The following ADGRB2 variants were observed in gnomAD, a reference collection of about 807,000 sequenced individuals.
ADGRB2 encodes adhesion G protein-coupled receptor B2.
ADGRB2 carries 47 observed loss-of-function variants against 178.7 expected under a neutral mutation model. The ratio of observed to expected loss-of-function variants is 0.26; its 90% CI spans 0.21 to 0.34. The LOEUF (loss-of-function observed/expected upper bound fraction) is 0.34, where lower values mean the gene tolerates loss of function less well. Among genes scored for constraint, ADGRB2 ranks in the 10% least tolerant of loss-of-function variants. ADGRB2 has a pLI of 1.00. For missense variants in ADGRB2, 1,584 were observed against 2,180.8 expected (o/e 0.73, Z 5.45); for synonymous variants, 870 against 912.4 (o/e 0.95, Z 0.84).
Position 31,740,791 on chromosome 1 carries a change from G to A in ADGRB2, c.1795-250C>T, listed in dbSNP as rs181091361. On this transcript the variant is annotated intron_variant, in intron 11 of 32. Transcript: ENST00000373658. The surrounding 1 kb of genome is among the most constrained non-coding windows in gnomAD (Gnocchi z 5.9). Reference sequence around the variant, plus strand: ...ACCTAGAGAAAAAAGGTGTTCAGATGTACATATAAAAGATATAAGCACAGT... The same window carrying A: ...ACCTAGAGAAAAAAGGTGTTCAGATATACATATAAAAGATATAAGCACAGT... 1.3e-5 allele frequency among the ~76,000 whole-genome samples: 2 copies of A among 152,002 alleles called. No homozygotes were observed.
rs1053613441 is a variant in ADGRB2 at position 31,744,015 on chromosome 1, G to A, written c.1087+178C>T. Among the ~76,000 whole-genome samples, 2 of 152,180 alleles carry A rather than the reference G, an allele frequency of 1.3e-5. No homozygotes were observed. Among genetic ancestry groups the A allele is most frequent in the African/African-American group, 4.8e-5 (2 of 41,448 alleles). ...ATGGGCCCTGGTCTGATCCATCTGT[G>A]CCCCCAGTGCCCTGCACCGGGCTGG... On this transcript the variant is annotated intron_variant, in intron 6 of 32. Transcript: ENST00000373658. The surrounding 1 kb of genome is among the most constrained non-coding windows in gnomAD (Gnocchi z 6.7).
chr1:31,763,907 C>G lies in ADGRB2; in HGVS notation c.-214G>C. ...ACCTGGGCGCCGTCAGCAGCAGGAG[C>G]GGGGGCCGGCGCTGGCGGGGGCGGC... On this transcript the variant is annotated 5_prime_UTR_variant, in exon 1 of 33. Transcript: ENST00000373658. 1 of 985,518 alleles carries G rather than the reference C, an allele frequency of 1.0e-6. No individual in the cohort carries two copies. Among genetic ancestry groups the G allele is most frequent in the Non-Finnish European group, 1.2e-6 (1 of 830,068 alleles). 61.0% of individuals were successfully genotyped at this position (985,518 alleles called of 1,614,324 possible).
Position 31,755,272 on chromosome 1 carries a change from G to A in ADGRB2, c.838+727C>T, listed in dbSNP as rs1646774023. On this transcript the variant is annotated intron_variant, in intron 4 of 32. Coordinates refer to ENST00000373658, the MANE Select transcript of ADGRB2 (RefSeq NM_001364857.2). This position sits in a 1 kb window ranked among gnomAD's most constrained non-coding sequence, Gnocchi z 5.1. ...TCTGTAGAAGGCAGCCGTGGCTGAGGGAGCTGGGGTGGGAGCGGGAGCAGG... is the reference window on the plus strand; with the variant it reads ...TCTGTAGAAGGCAGCCGTGGCTGAGAGAGCTGGGGTGGGAGCGGGAGCAGG... Among the ~76,000 whole-genome samples the A allele has an allele frequency of 6.6e-6, 1 of 152,228 alleles. No individual in the cohort carries two copies. Among genetic ancestry groups the A allele is most frequent in the African/African-American group, 2.4e-5 (1 of 41,456 alleles).
In ADGRB2 at chr1:31,741,769, C is replaced by A; in HGVS notation, c.1585+31G>T. 2.5e-6 allele frequency: 4 copies of A among 1,596,202 alleles called. No individual in the cohort carries two copies. The highest frequency in any genetic ancestry group is 1.1e-5 in the South Asian group (1 of 89,152). The stretch of plus-strand genomic sequence containing the variant: ...GGTTCAGCTGGGTCCACACATGGGG[C>A]CCCCAGCCCCCAGGGTCATTAGGGC... On this transcript the variant is annotated intron_variant, in intron 9 of 32. Transcript: ENST00000373658. This position sits in a 1 kb window ranked among gnomAD's most constrained non-coding sequence, Gnocchi z 6.5.
chr1:31,757,533 G>A, intron 1 of ADGRB2, 22 bp from the exon 2 acceptor site: 1 of 387,582 alleles, frequency 2.6e-6, no homozygotes, highest in Non-Finnish European at 4.7e-6. Context: ...AAGGGGGAGA[G>A]GCACCGAGTA....
Position 31,759,436 on chromosome 1 carries a change from A to T in ADGRB2, c.-190-1925T>A. The T allele has an allele frequency of 3.9e-6, 3 of 773,730 alleles. No individual in the cohort carries two copies. Among genetic ancestry groups the T allele is most frequent in the Non-Finnish European group, 7.2e-6 (3 of 414,392 alleles). The allele number at this position is 773,730 out of a possible 1,614,324, so 47.9% of individuals were successfully genotyped here. ...GATCTCCCTCCCCTACCCTGCTCCT[A>T]GGCTGCTGCTCCCTACTCCACAGCC... On this transcript the variant is annotated intron_variant, in intron 1 of 32. Coordinates refer to ENST00000373658, the MANE Select transcript of ADGRB2 (RefSeq NM_001364857.2). The surrounding 1 kb of genome is among the most constrained non-coding windows in gnomAD (Gnocchi z 4.3).
Position 31,733,947 on chromosome 1 carries a change from CCA to C in ADGRB2, c.3453-806_3453-805del, listed in dbSNP as rs1401246153. On this transcript the variant is annotated intron_variant, in intron 25 of 32. Coordinates refer to ENST00000373658, the MANE Select transcript of ADGRB2 (RefSeq NM_001364857.2). The surrounding 1 kb of genome is among the most constrained non-coding windows in gnomAD (Gnocchi z 4.3). ...TCCCGGGCCAGGTGCCACACTCAGCCCACTCTCCTTCGCAAACACCCCCAGTG... is the reference window on the plus strand; with the variant it reads ...TCCCGGGCCAGGTGCCACACTCAGCCCTCTCCTTCGCAAACACCCCCAGTG... Among the ~76,000 whole-genome samples the C allele has an allele frequency of 6.6e-6, 1 of 152,228 alleles. No homozygotes were observed. The highest frequency in any genetic ancestry group is 1.9e-4 in the East Asian group (1 of 5,196).
rs60306848 is a variant in ADGRB2, at chr1:31,756,495, G to C, written c.342C>G (p.Pro114=). ...LVNFTCLRPS[P]EEAVAQAESE... ...ACTCCGCCTGGGCCACCGCCTCCTC[G>C]GGGCTAGGCCGCAGGCAGGTAAAGT... The change falls in exon 4 of 33, where the codon CCC becomes CCG. Residue 114 remains proline, a synonymous_variant. Transcript: ENST00000373658. This position sits in a 1 kb window ranked among gnomAD's most constrained non-coding sequence, Gnocchi z 8.5. The C allele has an allele frequency of 1.6e-5, 26 of 1,612,322 alleles. No individual in the cohort carries two copies. The Admixed American group carries it at 2.7e-4, about 17-fold the overall frequency.
chr1:31,740,602 C>G lies in ADGRB2; in HGVS notation c.1795-61G>C. 6.8e-7 allele frequency: 1 copy of G among 1,471,516 alleles called. No homozygotes were observed. Among genetic ancestry groups the G allele is most frequent in the South Asian group, 1.4e-5 (1 of 72,734 alleles). The allele number at this position is 1,471,516 out of a possible 1,614,324, so 91.2% of individuals were successfully genotyped here. The stretch of plus-strand genomic sequence containing the variant: ...TCAGGAGCTGGAACCAGACCCTGGC[C>G]CATCCCACTCCAGTCCACCCACTGC... On this transcript the variant is annotated intron_variant, in intron 11 of 32. Coordinates refer to ENST00000373658, the MANE Select transcript of ADGRB2 (RefSeq NM_001364857.2). The surrounding 1 kb of genome is among the most constrained non-coding windows in gnomAD (Gnocchi z 5.9).
intron 1 of ADGRB2, among the ~76,000 whole-genome samples, chr1:31,762,529 G>C (rs1346235592): frequency 1.3e-5 from 2 of 152,192 alleles, no homozygotes; most frequent in Non-Finnish European, 2.9e-5. Context: ...AGGCGTCCTG[G>C]AGCCCGCGGC....
rs1645918355 is a variant in ADGRB2 at position 31,740,898 on chromosome 1, C to CACACACACACACAT, written c.1795-358_1795-357insATGTGTGTGTGTGT. ...GAGCATGTGTGTGGGCGCGCGCGCA[C>CACACACACACACAT]ACACACACACACACACACACACACA... On this transcript the variant is annotated intron_variant, in intron 11 of 32. Coordinates refer to ENST00000373658, the MANE Select transcript of ADGRB2 (RefSeq NM_001364857.2). This position sits in a 1 kb window ranked among gnomAD's most constrained non-coding sequence, Gnocchi z 5.9. Among the ~76,000 whole-genome samples, 1 of 144,588 alleles carries CACACACACACACAT rather than the reference C, an allele frequency of 6.9e-6. No homozygotes were observed. The highest frequency in any genetic ancestry group is 1.5e-5 in the Non-Finnish European group (1 of 67,266). The allele number at this position is 144,588 out of a possible 152,430, so 94.9% of individuals were successfully genotyped here.
intron 1 of ADGRB2, 108 bp downstream of exon 1, chr1:31,763,776 A>T: frequency 1.0e-6 from 1 of 983,810 alleles, no homozygotes; most frequent in Non-Finnish European, 1.2e-6. Context: ...AGAATTCAGC[A>T]GAGACGGGTT....
rs1442389802 is a variant in ADGRB2, at chr1:31,758,123, A to G, written c.-190-612T>C. On this transcript the variant is annotated intron_variant, in intron 1 of 32. Coordinates refer to ENST00000373658, the MANE Select transcript of ADGRB2 (RefSeq NM_001364857.2). This position sits in a 1 kb window ranked among gnomAD's most constrained non-coding sequence, Gnocchi z 4.2. Reference sequence around the variant, plus strand: ...CTGAATCAGCCCCACTTCCAATCCTACCCCCCAAGTAATCCAAGCGGCCTC... The same window carrying G: ...CTGAATCAGCCCCACTTCCAATCCTGCCCCCCAAGTAATCCAAGCGGCCTC... Among the ~76,000 whole-genome samples the G allele has an allele frequency of 6.6e-6, 1 of 151,550 alleles. No homozygotes were observed. Among genetic ancestry groups the G allele is most frequent in the Non-Finnish European group, 1.5e-5 (1 of 67,892 alleles).
At chr1:31,732,465 G>T in intron 27 of ADGRB2, 52 bp downstream of exon 27, 1 of 1,585,152 alleles carries the variant, frequency 6.3e-7, no homozygotes. Flanking sequence ...AGGAGGATTG[G>T]GGTGGGGGGT....
chr1:31,755,874 A>G lies in ADGRB2; in HGVS notation c.838+125T>C. On this transcript the variant is annotated intron_variant, in intron 4 of 32. Transcript: ENST00000373658. This position sits in a 1 kb window ranked among gnomAD's most constrained non-coding sequence, Gnocchi z 5.1. ...TTTTGGTGACCGCAACATTTGGACA[A>G]GGCTCAGCAGAGGGGTGACATCAGT... The G allele has an allele frequency of 7.4e-7, 1 of 1,343,050 alleles. No individual in the cohort carries two copies. Among genetic ancestry groups the G allele is most frequent in the South Asian group, 1.5e-5 (1 of 68,930 alleles). The allele number at this position is 1,343,050 out of a possible 1,614,324, so 83.2% of individuals were successfully genotyped here.
intron 4 of ADGRB2, among the ~76,000 whole-genome samples, chr1:31,752,236 G>A (rs1646612305): frequency 6.6e-6 from 1 of 152,208 alleles, no homozygotes. Flanking sequence ...AAGACATGAA[G>A]ATGTGTGTGA....
rs543791896 is a variant in ADGRB2, at chr1:31,754,014, G to A, written c.838+1985C>T. ...ATGCCAAGTAGGACAAGGGGCAAGA[G>A]CAGAGGTCAGGCTTGGGAACAGCTG... On this transcript the variant is annotated intron_variant, in intron 4 of 32. Transcript: ENST00000373658. The surrounding 1 kb of genome is among the most constrained non-coding windows in gnomAD (Gnocchi z 5.7). Among the ~76,000 whole-genome samples the A allele has an allele frequency of 1.3e-5, 2 of 152,326 alleles. No individual in the cohort carries two copies. The highest frequency in any genetic ancestry group is 3.9e-4 in the East Asian group (2 of 5,176).
rs1472049050 is a variant in ADGRB2, at chr1:31,761,301, C to T, written c.-191+2583G>A. On this transcript the variant is annotated intron_variant, in intron 1 of 32. Coordinates refer to ENST00000373658, the MANE Select transcript of ADGRB2 (RefSeq NM_001364857.2). The surrounding 1 kb of genome is among the most constrained non-coding windows in gnomAD (Gnocchi z 4.2). ...GCCCCCAAGCTACTCAGGCCAAAGC[C>T]AGGTTTCTTCAAACTCCTCAGGCCC... Among the ~76,000 whole-genome samples, 2 of 152,210 alleles carry T rather than the reference C, an allele frequency of 1.3e-5. No homozygotes were observed. The highest frequency in any genetic ancestry group is 2.9e-5 in the Non-Finnish European group (2 of 68,030).
Position 31,735,996 on chromosome 1 carries a change from G to T in ADGRB2, c.3201-103C>A. 1.6e-6 allele frequency: 2 copies of T among 1,242,666 alleles called. No individual in the cohort carries two copies. Among genetic ancestry groups the T allele is most frequent in the Middle Eastern group, 2.6e-4 (1 of 3,848 alleles). 77.0% of individuals were successfully genotyped at this position (1,242,666 alleles called of 1,614,324 possible). ...CCAGGCTGCCATGCCCGCATCACCA[G>T]TGCAGTCTGAGCCCCAGACGGTGAG... On this transcript the variant is annotated intron_variant, in intron 22 of 32. Coordinates refer to ENST00000373658, the MANE Select transcript of ADGRB2 (RefSeq NM_001364857.2). The surrounding 1 kb of genome is among the most constrained non-coding windows in gnomAD (Gnocchi z 6.0).
Sources: allele counts gnomAD v4.1 joint callset (sites outside exome capture counted in the v4.1 genomes callset), GRCh38; gene constraint gnomAD v4.1.1; non-coding constraint Gnocchi (gnomAD v3.1); transcripts MANE v1.5; gene names NCBI Gene and HGNC (gene_info 2026-07-23, HGNC 2026-07-21).